EAF2: variants seen among roughly 807,000 people sequenced by gnomAD.
EAF2 encodes the protein ELL associated factor 2, also known as ELL-associated factor 2.
A neutral mutation model predicts 29.4 loss-of-function variants in EAF2; 29 were observed. That is an observed-to-expected ratio of 0.99 (90% CI 0.73 to 1.35). The LOEUF (loss-of-function observed/expected upper bound fraction) is 1.35, where lower values mean the gene tolerates loss of function less well. EAF2 is among the 40% of genes most tolerant of loss of function. The probability of loss-of-function intolerance (pLI) is 0.00; values close to 1 mark genes in which losing one functional copy is unlikely to be tolerated. For synonymous variants in EAF2, 103 were observed against 102.5 expected (o/e 1.00, Z -0.03); for missense variants, 292 against 312.0 (o/e 0.94, Z 0.48).
chr3:121,845,457 A>AG (rs1708512210), intron 2 of EAF2, among the ~76,000 whole-genome samples: 12 of 148,186 alleles, frequency 8.1e-5, no homozygotes, highest in Admixed American at 8.1e-4. Flanking sequence ...AAAAAAAAAA[A>AG]AAAAAGAAAG....
Position 121,845,536 on chromosome 3 carries a change from GA to G in EAF2, c.201+991del, listed in dbSNP as rs1382713788. On this transcript the variant is annotated intron_variant, in intron 2 of 5. Coordinates refer to ENST00000273668, the MANE Select transcript of EAF2 (RefSeq NM_018456.6). ...GAAAAGTAGGTCAAGATGAAATTGT[GA>G]AGGATATTTTATGTTGTAATGTAGA... Among the ~76,000 whole-genome samples, 3 of 151,510 alleles carry G rather than the reference GA, an allele frequency of 2.0e-5. No individual in the cohort carries two copies. In the East Asian group the frequency reaches 5.8e-4, roughly 29 times the overall value.
chr3:121,844,178 TAGTC>T (rs1029775218), intron 1 of EAF2, among the ~76,000 whole-genome samples: 12 of 136,416 alleles, frequency 8.8e-5, no homozygotes, highest in Middle Eastern at 3.5e-3. Flanking sequence ...TAGAACATGT[TAGTC>T]AGGTTCATCT....
At chr3:121,850,490 C>A (rs899970699) in intron 2 of EAF2, among the ~76,000 whole-genome samples, 4 of 151,940 alleles carry the variant, frequency 2.6e-5, no homozygotes, top group African/African-American at 9.7e-5. Context: ...TATTTTCCTA[C>A]CTCTATCAAG....
At chr3:121,847,854 G>T (rs1708556052) in intron 2 of EAF2, among the ~76,000 whole-genome samples, 1 of 152,128 alleles carries the variant, frequency 6.6e-6, no homozygotes, top group Admixed American at 6.6e-5. Context: ...TCTTCTGGGG[G>T]TGACCTTTAT....
At chr3:121,840,841 G>A (rs1708408451) in intron 1 of EAF2, among the ~76,000 whole-genome samples, 1 of 149,820 alleles carries the variant, frequency 6.7e-6, no homozygotes, top group Non-Finnish European at 1.5e-5. Context: ...ATAATATCAG[G>A]TAGGTAGTTT....
At chr3:121,841,509 A>AC (rs1263407934) in intron 1 of EAF2, among the ~76,000 whole-genome samples, 1 of 27,334 alleles carries the variant, frequency 3.7e-5, no homozygotes, top group African/African-American at 2.2e-4. Flanking sequence ...TGTCTCAAAA[A>AC]AAAAAAAAAA....
intron 4 of EAF2, among the ~76,000 whole-genome samples, chr3:121,869,841 A>G (rs1708982202): frequency 6.6e-6 from 1 of 152,158 alleles, no homozygotes; most frequent in Non-Finnish European, 1.5e-5. Flanking sequence ...GTGAGCCATA[A>G]TTGTGCCACT....
intron 4 of EAF2, among the ~76,000 whole-genome samples, chr3:121,864,520 T>C (rs1183269684): frequency 1.3e-5 from 2 of 152,118 alleles, no homozygotes; most frequent in Admixed American, 6.6e-5. Flanking sequence ...TTGCTAATCA[T>C]TAACACATTA....
In EAF2 at chr3:121,872,559, A is replaced by G. The variant is rs768201863; in HGVS notation, c.507A>G (p.Leu169=). 1.4e-5 allele frequency: 22 copies of G among 1,607,786 alleles called. No individual in the cohort carries two copies. Among genetic ancestry groups the G allele is most frequent in the Admixed American group, 1.7e-5 (1 of 59,656 alleles). The change falls in exon 5 of 6, where the codon CTA becomes CTG. Residue 169 remains leucine, a synonymous_variant. Coordinates refer to ENST00000273668, the MANE Select transcript of EAF2 (RefSeq NM_018456.6). ...IERELKAEAS[L]MDQMSSCDSS... ...CAGAACTGAAGGCAGAAGCTAGTCT[A>G]ATGGACCAGATGAGTAGTTGTGATA...
Position 121,844,106 on chromosome 3 carries a change from T to G in EAF2, c.107-347T>G, listed in dbSNP as rs143887307. ...AAAAAAGGACTGAAAATTGAAAACATTCTACCTATATCAGTTTTTTAGCAA... is the reference window on the plus strand; with the variant it reads ...AAAAAAGGACTGAAAATTGAAAACAGTCTACCTATATCAGTTTTTTAGCAA... On this transcript the variant is annotated intron_variant, in intron 1 of 5. Coordinates refer to ENST00000273668, the MANE Select transcript of EAF2 (RefSeq NM_018456.6). Among the ~76,000 whole-genome samples, 992 of 152,232 alleles carry G rather than the reference T, an allele frequency of 6.5e-3. 8 individuals are homozygous for G. The highest frequency in any genetic ancestry group is 0.022 in the African/African-American group (911 of 41,564).
At chr3:121,860,201 G>T (rs1444829027) in intron 4 of EAF2, among the ~76,000 whole-genome samples, 1 of 152,178 alleles carries the variant, frequency 6.6e-6, no homozygotes, top group Non-Finnish European at 1.5e-5. Context: ...AGTTAGGCAG[G>T]ATTCCCTCTT....
At chr3:121,868,962 T>A (rs974345601) in intron 4 of EAF2, among the ~76,000 whole-genome samples, 1 of 152,180 alleles carries the variant, frequency 6.6e-6, no homozygotes, top group Non-Finnish European at 1.5e-5. Flanking sequence ...ATAGACCATA[T>A]CCTGGGCCAT....
intron 4 of EAF2, among the ~76,000 whole-genome samples, chr3:121,868,005 A>C (rs1305616092): frequency 6.6e-6 from 1 of 152,230 alleles, no homozygotes; most frequent in East Asian, 1.9e-4. Context: ...ACAGAAAGGC[A>C]AGACAAGCAA....
At chr3:121,847,522 C>T (rs79819959) in intron 2 of EAF2, among the ~76,000 whole-genome samples, 2,115 of 152,018 alleles carry the variant, frequency 0.014, 15 homozygotes, top group Middle Eastern at 0.027. Context: ...GGTCAAAAGG[C>T]GTGCATATGA....
intron 2 of EAF2, among the ~76,000 whole-genome samples, chr3:121,850,926 C>A (rs572310967): frequency 6.6e-6 from 1 of 152,102 alleles, no homozygotes; most frequent in East Asian, 1.9e-4. Context: ...GTCTCAAACT[C>A]CCGACCTCAG....
At position 121,841,225 on chromosome 3, in the gene EAF2, C is replaced by T. The variant is rs905713422; in HGVS notation, c.107-3228C>T. ...TTACAATTAGAAAGTTGAGGACTAC[C>T]GGGCATGGTGGCTCACGCCTGTAAT... On this transcript the variant is annotated intron_variant, in intron 1 of 5. Transcript: ENST00000273668. Among the ~76,000 whole-genome samples the T allele has an allele frequency of 4.6e-5, 7 of 152,206 alleles. No individual in the cohort carries two copies. In the East Asian group the frequency reaches 5.8e-4, roughly 13 times the overall value.
At chr3:121,844,180 G>A (rs150635943) in intron 1 of EAF2, among the ~76,000 whole-genome samples, 35 of 133,718 alleles carry the variant, frequency 2.6e-4, no homozygotes, top group African/African-American at 1.0e-3. Flanking sequence ...GAACATGTTA[G>A]TCAGGTTCAT....
At chr3:121,875,905 C>T (rs1474545368) in intron 5 of EAF2, among the ~76,000 whole-genome samples, 1 of 151,564 alleles carries the variant, frequency 6.6e-6, no homozygotes, top group Non-Finnish European at 1.5e-5. Context: ...GAACACAATA[C>T]AAGAGAGACA....
chr3:121,870,928 G>A (rs2107537695), intron 4 of EAF2, among the ~76,000 whole-genome samples: 1 of 152,226 alleles, frequency 6.6e-6, no homozygotes, highest in Admixed American at 6.5e-5. Context: ...TGAAGCATCT[G>A]TGACTCATAC....
Sources: allele counts gnomAD v4.1 joint callset (sites outside exome capture counted in the v4.1 genomes callset), GRCh38; gene constraint gnomAD v4.1.1; transcripts MANE v1.5; gene names NCBI Gene and HGNC (gene_info 2026-07-23, HGNC 2026-07-21).